Variants in EPB41L1 observed in about 807,000 individuals in gnomAD.
EPB41L1 encodes erythrocyte membrane protein band 4.1 like 1.
EPB41L1 carries 29 observed loss-of-function variants against 97.8 expected under a neutral mutation model. The observed-to-expected ratio is 0.30, with a 90% CI of 0.22 to 0.40. The LOEUF (loss-of-function observed/expected upper bound fraction) is 0.40, where lower values mean the gene tolerates loss of function less well. Among genes scored for constraint, EPB41L1 ranks in the 10% least tolerant of loss-of-function variants. The pLI, the probability that EPB41L1 is intolerant of heterozygous loss-of-function variation, is 1.00. For missense variants in EPB41L1, 812 were observed against 1,162.3 expected, an observed-to-expected ratio of 0.70 and a Z score of 4.38; for synonymous variants, 383 against 459.2, an observed-to-expected ratio of 0.83 and a Z score of 2.12.
chr20:36,117,730 T>G (rs978522123), intron 2 of EPB41L1, among the ~76,000 whole-genome samples: 1 of 152,194 alleles, frequency 6.6e-6, no homozygotes, highest in African/African-American at 2.4e-5. Context: ...CAGTGCCCAG[T>G]GCTGACAGCT....
rs1393258714 is a variant in EPB41L1, at chr20:36,232,117, G to C, written c.*2777G>C. 1 of 152,854 alleles carries C rather than the reference G, an allele frequency of 6.5e-6. No individual in the cohort carries two copies. Among genetic ancestry groups the C allele is most frequent in the Non-Finnish European group, 1.5e-5 (1 of 68,178 alleles). 9.5% of individuals were successfully genotyped at this position (152,854 alleles called of 1,614,324 possible). ...TCTACGGAGATGCAGGCAGTGCCAC[G>C]AGGGAGGAGGGGACCTGCAAAGCTA... is the stretch of plus-strand genomic sequence containing the variant. On this transcript the variant is annotated 3_prime_UTR_variant, in exon 22 of 22. Coordinates refer to ENST00000338074, the MANE Select transcript of EPB41L1 (RefSeq NM_012156.2).
intron 9 of EPB41L1, 136 bp downstream of exon 9, chr20:36,188,635 CACACACAG>C (rs1322502047): frequency 5.6e-4 from 298 of 528,660 alleles, no homozygotes; most frequent in East Asian, 1.4e-3. Context: ...CACACACACA[CACACACAG>C]AGAGAGAGAG....
chr20:36,153,420 C>CT (rs2060138297), upstream of EPB41L1, among the ~76,000 whole-genome samples: 1 of 152,130 alleles, frequency 6.6e-6, no homozygotes, highest in Non-Finnish European at 1.5e-5. Context: ...AGCTTGGGGC[C>CT]TCTGTGCTTC....
intron 20 of EPB41L1, 98 bp downstream of exon 20, chr20:36,222,042 AG>A (rs1486375258): frequency 2.1e-5 from 28 of 1,305,256 alleles, no homozygotes; most frequent in Non-Finnish European, 3.0e-5. Flanking sequence ...TGGGCAGAGA[AG>A]GTGTCCACTT....
intron 12 of EPB41L1, among the ~76,000 whole-genome samples, chr20:36,194,698 C>G (rs1399066963): frequency 6.6e-6 from 1 of 152,186 alleles, no homozygotes; most frequent in East Asian, 1.9e-4. Flanking sequence ...CACTCTCTTC[C>G]TCCTCAGAGC....
chr20:36,229,303 C>T (rs760290464), intron 21 of EPB41L1, 29 bp from the exon 22 acceptor site: 25 of 1,602,276 alleles, frequency 1.6e-5, no homozygotes, highest in South Asian at 8.9e-5. Context: ...TCCCCACCCC[C>T]CATTCTACCC....
chr20:36,142,953 T>C (rs931098579), intron 2 of EPB41L1, among the ~76,000 whole-genome samples: 6 of 152,204 alleles, frequency 3.9e-5, no homozygotes, highest in African/African-American at 1.4e-4. Flanking sequence ...GACTTGTCCA[T>C]TCACGTAGTG....
rs1242831600 is a variant in EPB41L1, at chr20:36,230,764, C to CT, written c.*1427dup. On this transcript the variant is annotated 3_prime_UTR_variant, in exon 22 of 22. Coordinates refer to ENST00000338074, the MANE Select transcript of EPB41L1 (RefSeq NM_012156.2). ...TGCCTTGGTTTTCAGTCTTCTCTCT[C>CT]TTTCTCTCTTTTTTTTTTTTTTGCC... The CT allele has an allele frequency of 1.5e-4, 23 of 151,886 alleles. No individual in the cohort carries two copies. Among genetic ancestry groups the CT allele is most frequent in the African/African-American group, 5.3e-4 (22 of 41,222 alleles). The allele number at this position is 151,886 out of a possible 1,614,324, so 9.4% of individuals were successfully genotyped here. A position where few individuals can be genotyped will look rare whatever the true frequency, so the allele number is the denominator to read the frequency against.
chr20:36,211,531 G>T (rs917766187), intron 15 of EPB41L1, among the ~76,000 whole-genome samples: 3 of 151,954 alleles, frequency 2.0e-5, no homozygotes, highest in Non-Finnish European at 4.4e-5. Context: ...GATGCTGTAG[G>T]CCTCCAAGCA....
chr20:36,208,470 C>T, intron 14 of EPB41L1: 1 of 311,124 alleles, frequency 3.2e-6, no homozygotes, highest in Non-Finnish European at 6.5e-6. Flanking sequence ...GGATGCATCG[C>T]CGCCTTAGGT....
At chr20:36,191,420 C>T (rs1323694472) in intron 11 of EPB41L1, among the ~76,000 whole-genome samples, 2 of 152,020 alleles carry the variant, frequency 1.3e-5, no homozygotes, top group African/African-American at 4.8e-5. Context: ...GAAAACTGGC[C>T]CTATATAGTC....
intron 2 of EPB41L1, among the ~76,000 whole-genome samples, chr20:36,174,327 T>C (rs1437731156): frequency 2.6e-5 from 4 of 151,664 alleles, no homozygotes; most frequent in Admixed American, 2.0e-4. Context: ...AGTGCAGTGG[T>C]GCCACTGCAC....
At chr20:36,101,585 A>G (rs1246848525) in intron 1 of EPB41L1, among the ~76,000 whole-genome samples, 1 of 152,128 alleles carries the variant, frequency 6.6e-6, no homozygotes, top group Non-Finnish European at 1.5e-5. Flanking sequence ...AATTTGTGAA[A>G]CACCTAAAAG....
chr20:36,228,921 A>G (rs1209764853), intron 21 of EPB41L1, among the ~76,000 whole-genome samples: 1 of 152,198 alleles, frequency 6.6e-6, no homozygotes, highest in Non-Finnish European at 1.5e-5. Context: ...GGACATTTTA[A>G]CACATTGTCA....
In EPB41L1 at chr20:36,185,172, T is replaced by C; in HGVS notation, c.622T>C (p.Ser208Pro). 6.2e-7 allele frequency: 1 copy of C among 1,613,234 alleles called. No individual in the cohort carries two copies. Among genetic ancestry groups the C allele is most frequent in the Non-Finnish European group, 8.5e-7 (1 of 1,180,032 alleles). Reference sequence around the variant, plus strand: ...CATCATCACGGGCCGGCTGCCATGCTCCTTTGTCACGCATGCCCTACTGGG... The same window carrying C: ...CATCATCACGGGCCGGCTGCCATGCCCCTTTGTCACGCATGCCCTACTGGG... ...ADIITGRLPCSFVTHALLGSY... is the reference protein window; with the variant it reads ...ADIITGRLPCPFVTHALLGSY... The change falls in exon 7 of 22, where the codon TCC (serine) becomes CCC (proline). Residue 208 changes from serine (S) to proline (P), a missense_variant. Ser to Pro is a moderately conservative substitution (Grantham distance 74). Transcript: ENST00000338074.
rs1276515893 is a variant in EPB41L1, at chr20:36,092,163, C to G, written c.-65+551C>G. Among the ~76,000 whole-genome samples the G allele has an allele frequency of 6.6e-6, 1 of 152,120 alleles. No individual in the cohort carries two copies. Among genetic ancestry groups the G allele is most frequent in the Non-Finnish European group, 1.5e-5 (1 of 68,006 alleles). On this transcript the variant is annotated intron_variant, in intron 1 of 19. Transcript: ENST00000202028. This position sits in a 1 kb window ranked among gnomAD's most constrained non-coding sequence, Gnocchi z 7.0. ...GGAGCGCGGCGTGGAAAAGGGTGGG[C>G]GTGGGCCAGGTCCTGGCTGGAGGTA...
intron 1 of EPB41L1, 54 bp from the exon 2 acceptor site, chr20:36,173,710 T>C: frequency 1.3e-6 from 2 of 1,540,084 alleles, no homozygotes; most frequent in Non-Finnish European, 1.8e-6. Context: ...CCCCTCTCGC[T>C]GTCATACCAT....
At chr20:36,213,016 G>T (rs1202175864) in intron 16 of EPB41L1, among the ~76,000 whole-genome samples, 2 of 152,160 alleles carry the variant, frequency 1.3e-5, no homozygotes, top group Non-Finnish European at 2.9e-5. Context: ...TAAGATTGAG[G>T]ATCTGATAGA....
chr20:36,213,591 T>C (rs1328829086), intron 16 of EPB41L1, among the ~76,000 whole-genome samples: 1 of 152,186 alleles, frequency 6.6e-6, no homozygotes, highest in African/African-American at 2.4e-5. Flanking sequence ...ACCTGTTTTG[T>C]TTTAGTAACA....
Sources: gnomAD v4.1 joint callset for allele counts (sites outside exome capture counted in the v4.1 genomes callset) on GRCh38, gnomAD v4.1.1 for gene constraint, Gnocchi (gnomAD v3.1) non-coding constraint, MANE v1.5 for transcripts, NCBI Gene and HGNC (gene_info 2026-07-23, HGNC 2026-07-21) for gene names.